Variants in NELL1 observed in about 807,000 individuals in gnomAD.
The protein encoded by NELL1 is neural EGFL like 1, also known as protein kinase C-binding protein NELL1.
NELL1 carries 76 observed loss-of-function variants against 107.4 expected under a neutral mutation model. That is an observed-to-expected ratio of 0.71 (90% CI 0.59 to 0.86). The LOEUF (loss-of-function observed/expected upper bound fraction) is 0.86. Among genes scored for constraint, NELL1 ranks in the 40% least tolerant of loss-of-function variants. NELL1 has a pLI of 0.00. For synonymous variants in NELL1, 353 were observed against 341.2 expected (o/e 1.03, Z -0.38); for missense variants, 1,024 against 1,005.5 (o/e 1.02, Z -0.25).
At chr11:20,991,990 G>GT (rs769434874) in intron 12 of NELL1, among the ~76,000 whole-genome samples, 22,418 of 66,162 alleles carry the variant, frequency 0.34, 2,105 homozygotes, top group Middle Eastern at 0.44. Flanking sequence ...AGTGTAGCAT[G>GT]CAAAAAAAAA....
chr11:20,713,179 T>A (rs1043308536), intron 2 of NELL1, among the ~76,000 whole-genome samples: 1 of 151,976 alleles, frequency 6.6e-6, no homozygotes, highest in Non-Finnish European at 1.5e-5. Flanking sequence ...TTGACCAGGG[T>A]AAGTATTCTG....
At chr11:21,094,823 C>T (rs960818317) in intron 12 of NELL1, among the ~76,000 whole-genome samples, 4 of 152,180 alleles carry the variant, frequency 2.6e-5, no homozygotes, top group Non-Finnish European at 4.4e-5. Context: ...TTCTTCTAGG[C>T]CACTGGGCCT....
At position 21,485,274 on chromosome 11, in the gene NELL1, G is replaced by A. The variant is rs139483202; in HGVS notation, c.1646-49100G>A. On this transcript the variant is annotated intron_variant, in intron 15 of 19. Coordinates refer to ENST00000357134, the MANE Select transcript of NELL1 (RefSeq NM_006157.5). ...ACCAAGGAGAAAGAGGGGAAGCCAG[G>A]CACTTTCATCCACCCTAAAGACAAA... Among the ~76,000 whole-genome samples, 28 of 152,242 alleles carry A rather than the reference G, an allele frequency of 1.8e-4. No individual in the cohort carries two copies. The East Asian group carries it at 2.1e-3, about 12-fold the overall frequency.
intron 15 of NELL1, among the ~76,000 whole-genome samples, chr11:21,435,024 G>T (rs1199540632): frequency 6.6e-6 from 1 of 152,028 alleles, no homozygotes; most frequent in African/African-American, 2.4e-5. Context: ...TTTGTGGGTT[G>T]ATTTTCTACT....
At chr11:20,862,956 G>T (rs897335970) in intron 4 of NELL1, among the ~76,000 whole-genome samples, 1 of 152,264 alleles carries the variant, frequency 6.6e-6, no homozygotes, top group East Asian at 1.9e-4. Flanking sequence ...CAAGGCAGAA[G>T]AATTTTTCTT....
At chr11:20,927,060 T>G in intron 7 of NELL1, 3 of 417,862 alleles carry the variant, frequency 7.2e-6, no homozygotes, top group Non-Finnish European at 1.3e-5. Context: ...ATGAGGTTCC[T>G]GAGTTACAGT....
At chr11:20,812,200 T>A (rs942225985) in intron 3 of NELL1, among the ~76,000 whole-genome samples, 5 of 152,090 alleles carry the variant, frequency 3.3e-5, no homozygotes, top group Non-Finnish European at 7.4e-5. Flanking sequence ...ATGATCATAT[T>A]TTTTTTTCCT....
chr11:21,182,605 T>G (rs978845579), intron 13 of NELL1, among the ~76,000 whole-genome samples: 1 of 151,720 alleles, frequency 6.6e-6, no homozygotes, highest in Non-Finnish European at 1.5e-5. Context: ...ATCACAGAAG[T>G]AGACTTTTCA....
At chr11:21,189,244 T>C (rs1379147106) in intron 13 of NELL1, among the ~76,000 whole-genome samples, 1 of 151,892 alleles carries the variant, frequency 6.6e-6, no homozygotes. Context: ...ACAAAGAATG[T>C]TGGAATTAAT....
chr11:20,937,010 T>C (rs1198665986), intron 9 of NELL1, among the ~76,000 whole-genome samples: 1 of 123,980 alleles, frequency 8.1e-6, no homozygotes, highest in African/African-American at 2.6e-5. Flanking sequence ...ACTTGCTTCT[T>C]TTTTTCCTGT....
At chr11:21,145,401 G>A (rs1254510862) in intron 13 of NELL1, among the ~76,000 whole-genome samples, 1 of 152,138 alleles carries the variant, frequency 6.6e-6, no homozygotes, top group East Asian at 1.9e-4. Context: ...GCAAATAATA[G>A]CTACTATTAT....
At chr11:20,689,689 T>G (rs1302025904) in intron 2 of NELL1, among the ~76,000 whole-genome samples, 1 of 149,806 alleles carries the variant, frequency 6.7e-6, no homozygotes, top group African/African-American at 2.5e-5. Context: ...CTATCATTGT[T>G]GGACATTTGG....
chr11:21,043,823 C>G (rs1853295267), intron 12 of NELL1, among the ~76,000 whole-genome samples: 1 of 152,094 alleles, frequency 6.6e-6, no homozygotes, highest in Non-Finnish European at 1.5e-5. Flanking sequence ...AGGGAGGAGT[C>G]AGGGATCACT....
At chr11:21,492,275 G>C (rs1284396558) in intron 15 of NELL1, among the ~76,000 whole-genome samples, 3 of 151,886 alleles carry the variant, frequency 2.0e-5, no homozygotes, top group Admixed American at 6.6e-5. Flanking sequence ...GGAGAAATAG[G>C]AACACTTTTA....
intron 4 of NELL1, among the ~76,000 whole-genome samples, chr11:20,848,189 T>C (rs1848735204): frequency 6.6e-6 from 1 of 152,212 alleles, no homozygotes; most frequent in Admixed American, 6.5e-5. Flanking sequence ...TTTCACTTCA[T>C]CAAGCTCACC....
At chr11:21,337,837 T>TTTCTTTCTTTTCTTTC (rs71034505) in intron 14 of NELL1, among the ~76,000 whole-genome samples, 1 of 86,616 alleles carries the variant, frequency 1.2e-5, no homozygotes, top group Non-Finnish European at 2.3e-5. Context: ...TCTTTCTTTC[T>TTTCTTTCTTTTCTTTC]TTTCTTTCTT....
intron 15 of NELL1, among the ~76,000 whole-genome samples, chr11:21,485,228 A>G (rs758545672): frequency 6.6e-6 from 1 of 152,132 alleles, no homozygotes; most frequent in Non-Finnish European, 1.5e-5. Context: ...TGCCATTCTG[A>G]GAGCTCAGCC....
chr11:20,764,227 T>C (rs560153359), intron 2 of NELL1, among the ~76,000 whole-genome samples: 113 of 152,366 alleles, frequency 7.4e-4, no homozygotes, highest in African/African-American at 2.6e-3. Context: ...AACTATATTT[T>C]AGGGTAGGAT....
At chr11:20,946,643 A>G (rs1302409934) in intron 10 of NELL1, among the ~76,000 whole-genome samples, 1 of 152,110 alleles carries the variant, frequency 6.6e-6, no homozygotes, top group Non-Finnish European at 1.5e-5. Flanking sequence ...TTCTTCCTTT[A>G]TTCCACTAAT....
Sources: gnomAD v4.1 joint callset for allele counts (sites outside exome capture counted in the v4.1 genomes callset) on GRCh38, gnomAD v4.1.1 for gene constraint, MANE v1.5 for transcripts, NCBI Gene and HGNC (gene_info 2026-07-23, HGNC 2026-07-21) for gene names.